SFXN2: variants seen among roughly 807,000 people sequenced by gnomAD.
SFXN2 encodes the protein sideroflexin-2.
Under a neutral mutation model 41.9 loss-of-function variants are expected in SFXN2, and 37 were observed. The ratio of observed to expected loss-of-function variants is 0.88; its 90% confidence interval spans 0.68 to 1.16. The LOEUF (loss-of-function observed/expected upper bound fraction) is 1.16. Ranked by LOEUF, SFXN2 falls within the 50% of genes most tolerant of loss-of-function variation. The probability of loss-of-function intolerance (pLI) is 0.00; values close to 1 mark genes in which losing one functional copy is unlikely to be tolerated. For missense variants in SFXN2, 386 were observed against 425.2 expected (o/e 0.91, Z 0.81); for synonymous variants, 150 against 156.7 (o/e 0.96, Z 0.32).
At position 102,731,745 on chromosome 10, in the gene SFXN2, G is replaced by C. The variant is rs760331468; in HGVS notation, c.616G>C (p.Val206Leu). 17 of 1,613,860 alleles carry C rather than the reference G, an allele frequency of 1.1e-5. No individual in the cohort carries two copies. The highest frequency in any genetic ancestry group is 1.4e-5 in the Non-Finnish European group (16 of 1,179,870). ...TAGGGAGCTCATAAAGGGAATCTGC[G>C]TGAAGGACAGGAATGAAAATGAGAT... ...RQQELIKGIC[V>L]KDRNENEIGH... The change falls in exon 7 of 12, where the codon GTG becomes CTG. Residue 206 changes from valine (V) to leucine (L), a missense_variant. By Grantham distance (32) the Val-to-Leu change is conservative. Transcript: ENST00000369893.
At chr10:102,715,854 T>A (rs1361144234) in intron 1 of SFXN2, among the ~76,000 whole-genome samples, 4 of 143,546 alleles carry the variant, frequency 2.8e-5, no homozygotes, top group Non-Finnish European at 4.5e-5. Flanking sequence ...AGGTTGAGGC[T>A]GGAGGATTGC....
At chr10:102,721,837 C>T (rs1428098287) in intron 1 of SFXN2, among the ~76,000 whole-genome samples, 1 of 151,528 alleles carries the variant, frequency 6.6e-6, no homozygotes, top group African/African-American at 2.4e-5. Context: ...ACCTGTCTGT[C>T]TGTCTGTAAT....
In SFXN2 at chr10:102,733,623, G is replaced by A; in HGVS notation, c.821+20G>A. The A allele has an allele frequency of 6.2e-7, 1 of 1,612,198 alleles. No homozygotes were observed. Among genetic ancestry groups the A allele is most frequent in the Admixed American group, 1.7e-5 (1 of 60,002 alleles). The stretch of plus-strand genomic sequence containing the variant: ...GTGCTTGTAAGTATCATATTTTGAT[G>A]ATTTGGGTTCTGCGTGGCTGGAGCA... On this transcript the variant is annotated intron_variant, in intron 10 of 11. Coordinates refer to ENST00000369893, the MANE Select transcript of SFXN2 (RefSeq NM_178858.6).
intron 1 of SFXN2, chr10:102,717,803 G>C: frequency 2.0e-6 from 2 of 985,390 alleles, no homozygotes; most frequent in Non-Finnish European, 2.4e-6. Flanking sequence ...TATTCTTCGA[G>C]GGCATGTGAA....
At chr10:102,737,586 T>G in intron 11 of SFXN2, 77 bp from the exon 12 acceptor site, 1 of 909,220 alleles carries the variant, frequency 1.1e-6, no homozygotes, top group Non-Finnish European at 1.8e-6. Flanking sequence ...GAGGGCTTCT[T>G]GGAGGTGATA....
Position 102,732,909 on chromosome 10 carries a change from G to A in SFXN2, c.771+1G>A, listed in dbSNP as rs1425980536. The A allele has an allele frequency of 6.2e-7, 1 of 1,614,094 alleles. No homozygotes were observed. Among genetic ancestry groups the A allele is most frequent in the Non-Finnish European group, 8.5e-7 (1 of 1,179,992 alleles). On this transcript the variant is annotated splice_donor_variant, in intron 9 of 11. Transcript: ENST00000369893. LOFTEE classifies it high-confidence loss of function. Reference sequence around the variant, plus strand: ...GCTTGAGAAATTGCACTTCATGCAGGTATGTAGGGTTTGCTTTGGCATTTT... The same window carrying A: ...GCTTGAGAAATTGCACTTCATGCAGATATGTAGGGTTTGCTTTGGCATTTT...
intron 1 of SFXN2, among the ~76,000 whole-genome samples, chr10:102,722,797 C>G (rs958138028): frequency 5.9e-5 from 9 of 152,192 alleles, no homozygotes; most frequent in African/African-American, 1.9e-4. Context: ...GATGCTCCTG[C>G]CTTGGCCTGC....
In SFXN2 at chr10:102,729,317, AGGCAGAT is replaced by A; in HGVS notation, c.434_440del (p.Gln145ProfsTer18). On this transcript the variant is annotated splice_acceptor_variant and coding_sequence_variant, in exon 5 of 12. Coordinates refer to ENST00000369893, the MANE Select transcript of SFXN2 (RefSeq NM_178858.6). LOFTEE classifies it high-confidence loss of function. ...CTCCCAAGCATCTCTCTCCTCCCCC[AGGCAGAT>A]GGCCCTTTCCTACTTCACAGCCACA... The A allele has an allele frequency of 6.2e-7, 1 of 1,614,070 alleles. No homozygotes were observed. The highest frequency in any genetic ancestry group is 8.5e-7 in the Non-Finnish European group (1 of 1,179,962).
rs773260294 is a variant in SFXN2 at position 102,728,440 on chromosome 10, G to C, written c.342G>C (p.Pro114=). ...CCTTCCTCACTGGTAGGACGATGCCGGCGGTGATCTTCTGGCAGTGGGTGA... is the reference window on the plus strand; with the variant it reads ...CCTTCCTCACTGGTAGGACGATGCCCGCGGTGATCTTCTGGCAGTGGGTGA... The part of the protein sequence containing the change: ...GFMLQFYRTM[P]AVIFWQWVNQ... The change falls in exon 4 of 12, where the codon CCG becomes CCC. Residue 114 remains proline, a synonymous_variant. Coordinates refer to ENST00000369893, the MANE Select transcript of SFXN2 (RefSeq NM_178858.6). 2 of 1,614,028 alleles carry C rather than the reference G, an allele frequency of 1.2e-6. No individual in the cohort carries two copies. Among genetic ancestry groups the C allele is most frequent in the Admixed American group, 3.3e-5 (2 of 60,024 alleles).
intron 6 of SFXN2, among the ~76,000 whole-genome samples, chr10:102,730,842 C>T (rs956495409): frequency 1.3e-5 from 2 of 152,206 alleles, no homozygotes; most frequent in African/African-American, 4.8e-5. Context: ...AATCCCAGCA[C>T]TTTGGGAGGC....
At chr10:102,727,211 A>G in intron 3 of SFXN2, 54 bp downstream of exon 3, 2 of 1,547,724 alleles carry the variant, frequency 1.3e-6, no homozygotes, top group Non-Finnish European at 1.8e-6. Flanking sequence ...TCTGCTGGTC[A>G]GGGAGCCATA....
chr10:102,733,487 A>G (rs917297893), intron 9 of SFXN2, 67 bp from the exon 10 acceptor site: 20 of 1,313,210 alleles, frequency 1.5e-5, no homozygotes, highest in Non-Finnish European at 1.5e-5. Flanking sequence ...ATGGCAGAGC[A>G]GGGTTGGGGT....
intron 1 of SFXN2, chr10:102,717,633 C>G (rs186671324): frequency 5.0e-4 from 161 of 323,728 alleles, no homozygotes; most frequent in African/African-American, 3.5e-3. Context: ...ACCAGTATGA[C>G]TTAGTACAGG....
chr10:102,735,512 G>A (rs2064764270), intron 10 of SFXN2, among the ~76,000 whole-genome samples: 1 of 151,808 alleles, frequency 6.6e-6, no homozygotes, highest in Non-Finnish European at 1.5e-5. Flanking sequence ...CCCCCTCCAA[G>A]TTTCTCCTCT....
chr10:102,717,833 A>G lies in SFXN2; in HGVS notation c.-26+3152A>G, dbSNP rs569831333. 33 of 978,194 alleles carry G rather than the reference A, an allele frequency of 3.4e-5. No homozygotes were observed. In the South Asian group the frequency reaches 9.5e-4, roughly 28 times the overall value. The allele number at this position is 978,194 out of a possible 1,614,324, so 60.6% of individuals were successfully genotyped here. On this transcript the variant is annotated intron_variant, in intron 1 of 11. Transcript: ENST00000369893. Reference sequence around the variant, plus strand: ...TGTGAAACATGTAGCAGTAAACATCACAGACATGATCCCGATGCTTGTGAG... The same window carrying G: ...TGTGAAACATGTAGCAGTAAACATCGCAGACATGATCCCGATGCTTGTGAG...
intron 1 of SFXN2, chr10:102,714,919 G>C (rs2064383054): frequency 6.5e-6 from 1 of 153,442 alleles, no homozygotes; most frequent in Non-Finnish European, 1.4e-5. Flanking sequence ...AGCTGTCCGG[G>C]ATGGGGGAGT....
intron 11 of SFXN2, among the ~76,000 whole-genome samples, chr10:102,736,830 C>T (rs1280334219): frequency 6.6e-6 from 1 of 151,146 alleles, no homozygotes; most frequent in Non-Finnish European, 1.5e-5. Flanking sequence ...GGATTACAGG[C>T]GTGAGCCACC....
chr10:102,728,621 C>T, intron 4 of SFXN2, 92 bp downstream of exon 4: 1 of 1,069,642 alleles, frequency 9.3e-7, no homozygotes, highest in Non-Finnish European at 1.4e-6. Context: ...TGGGTAGCAC[C>T]TGCACTGAGC....
intron 1 of SFXN2, among the ~76,000 whole-genome samples, chr10:102,720,464 C>A (rs994738565): frequency 6.6e-6 from 1 of 151,702 alleles, no homozygotes; most frequent in Non-Finnish European, 1.5e-5. Context: ...AAAAACTAGC[C>A]GGGCATGTTG....
Sources: allele counts gnomAD v4.1 joint callset (sites outside exome capture counted in the v4.1 genomes callset), GRCh38; gene constraint gnomAD v4.1.1; transcripts MANE v1.5; gene names NCBI Gene and HGNC (gene_info 2026-07-23, HGNC 2026-07-21).